Variants in BZW2 observed in about 807,000 individuals in gnomAD.
BZW2 encodes eIF5-mimic protein 1.
BZW2 carries 23 observed loss-of-function variants against 53.2 expected under a neutral mutation model. The ratio of observed to expected loss-of-function variants is 0.43; its 90% CI spans 0.31 to 0.61. The LOEUF (loss-of-function observed/expected upper bound fraction) is 0.61. BZW2 is among the 20% of genes least tolerant of loss of function. The pLI, the probability that BZW2 is intolerant of heterozygous loss-of-function variation, is 0.09. For missense variants in BZW2, 409 were observed against 503.1 expected, an observed-to-expected ratio of 0.81 and a Z score of 1.79; for synonymous variants, 227 against 186.4, an observed-to-expected ratio of 1.22 and a Z score of -1.77.
At chr7:16,673,962 CT>C (rs1782687590) in intron 2 of BZW2, among the ~76,000 whole-genome samples, 1 of 91,662 alleles carries the variant, frequency 1.1e-5, no homozygotes, top group Non-Finnish European at 2.9e-5. Context: ...TGCAATGGCA[CT>C]GTCTCTGCTC....
chr7:16,650,084 T>C (rs1781949642), intron 1 of BZW2, among the ~76,000 whole-genome samples: 1 of 152,230 alleles, frequency 6.6e-6, no homozygotes, highest in Non-Finnish European at 1.5e-5. Context: ...GGAGTTTCGC[T>C]TATGTGATTA....
chr7:16,691,585 C>A (rs189124227), intron 7 of BZW2, among the ~76,000 whole-genome samples: 87 of 152,332 alleles, frequency 5.7e-4, no homozygotes, highest in African/African-American at 2.0e-3. Context: ...TAAAAACTCA[C>A]CTATGGACGC....
chr7:16,699,377 T>C (rs1216446244), intron 10 of BZW2, among the ~76,000 whole-genome samples: 3 of 152,106 alleles, frequency 2.0e-5, no homozygotes, highest in Non-Finnish European at 4.4e-5. Context: ...ATGTTACCAA[T>C]TCATAGATGG....
In BZW2 at chr7:16,694,853, G is replaced by C. The variant is rs1783429376; in HGVS notation, c.671G>C (p.Arg224Thr). The change falls in exon 8 of 12, where the codon AGA (arginine) becomes ACA (threonine). Residue 224 changes from arginine (R) to threonine (T), a missense_variant. Transcript: ENST00000258761. ...KRLLELFPVN[R>T]QSVDHFAKYF... ...TTTCAGGAACTCTTTCCAGTTAACA[G>C]ACAGAGTGTGGATCATTTTGCTAAA... is the stretch of plus-strand genomic sequence containing the variant. The C allele has an allele frequency of 1.3e-6, 2 of 1,529,038 alleles. No individual in the cohort carries two copies. Among genetic ancestry groups the C allele is most frequent in the East Asian group, 4.6e-5 (2 of 43,746 alleles). 94.7% of individuals were successfully genotyped at this position (1,529,038 alleles called of 1,614,324 possible).
Position 16,681,329 on chromosome 7 carries a change from T to G in BZW2, c.264T>G (p.Gly88=), listed in dbSNP as rs144553279. Residue 88 remains glycine, a synonymous_variant, in exon 4 of 12, where the codon GGT becomes GGG. Coordinates refer to ENST00000258761, the MANE Select transcript of BZW2 (RefSeq NM_014038.3). ...LAPGGTRIDD[G]DKTKMTNHCV... is the part of the protein sequence containing the mutation. ...CTGGAGGAACGCGCATAGATGATGG[T>G]GACAAGACCAAGATGACCAACCACT... is the stretch of plus-strand genomic sequence containing the variant. 1 of 1,613,912 alleles carries G rather than the reference T, an allele frequency of 6.2e-7. No homozygotes were observed. The highest frequency in any genetic ancestry group is 1.3e-5 in the African/African-American group (1 of 74,906).
intron 1 of BZW2, among the ~76,000 whole-genome samples, chr7:16,657,344 G>C (rs909726089): frequency 7.2e-5 from 11 of 152,114 alleles, no homozygotes; most frequent in African/African-American, 2.7e-4. Context: ...ATTGCATTTT[G>C]CTGTATCTAC....
intron 8 of BZW2, 95 bp downstream of exon 8, chr7:16,695,099 A>C: frequency 2.5e-6 from 3 of 1,191,716 alleles, no homozygotes; most frequent in Non-Finnish European, 3.4e-6. Context: ...AGTCTGTCCT[A>C]TGCTTATTGC....
At chr7:16,704,483 A>G in intron 10 of BZW2, 64 bp from the exon 11 acceptor site, 1 of 1,427,700 alleles carries the variant, frequency 7.0e-7, no homozygotes, top group South Asian at 1.6e-5. Context: ...ACTGTAATAC[A>G]TGAAGTTGTT....
At chr7:16,706,010 T>C (rs1454286380) in intron 11 of BZW2, 50 bp from the exon 12 acceptor site, 1 of 1,610,310 alleles carries the variant, frequency 6.2e-7, no homozygotes, top group Non-Finnish European at 8.5e-7. Context: ...CTTTTGACCT[T>C]AATTAGAGGA....
At chr7:16,684,096 T>G (rs1783041647) in intron 5 of BZW2, among the ~76,000 whole-genome samples, 1 of 152,218 alleles carries the variant, frequency 6.6e-6, no homozygotes. Context: ...GAAGACTGTT[T>G]AATTAAATTA....
At chr7:16,668,403 G>T (rs17169573) in intron 2 of BZW2, among the ~76,000 whole-genome samples, 30,131 of 152,114 alleles carry the variant, frequency 0.2, 5,915 homozygotes, top group African/African-American at 0.52. Context: ...TATATTATTT[G>T]CCAGTTGATC....
intron 2 of BZW2, among the ~76,000 whole-genome samples, chr7:16,671,606 T>C (rs1003763315): frequency 1.3e-5 from 2 of 152,168 alleles, no homozygotes; most frequent in East Asian, 3.9e-4. Flanking sequence ...TTTCAGTATA[T>C]GTATGTTCGT....
chr7:16,686,129 G>A (rs1485692675), intron 6 of BZW2, 89 bp downstream of exon 6: 2 of 1,532,520 alleles, frequency 1.3e-6, no homozygotes, highest in South Asian at 1.2e-5. Context: ...GCTCTTTTTG[G>A]TGTCCTCTAT....
At chr7:16,694,758 A>T in intron 7 of BZW2, 76 bp from the exon 8 acceptor site, 1 of 1,198,530 alleles carries the variant, frequency 8.3e-7, no homozygotes, top group South Asian at 2.5e-5. Flanking sequence ...TTCTAAGTGA[A>T]ATGAAGACTT....
chr7:16,665,223 T>G (rs1782386021), intron 1 of BZW2, among the ~76,000 whole-genome samples: 1 of 151,918 alleles, frequency 6.6e-6, no homozygotes, highest in African/African-American at 2.4e-5. Context: ...GGATAATCAC[T>G]TGAACCCGGG....
intron 3 of BZW2, among the ~76,000 whole-genome samples, chr7:16,679,195 T>G (rs1185246088): frequency 6.6e-6 from 1 of 152,178 alleles, no homozygotes; most frequent in Non-Finnish European, 1.5e-5. Flanking sequence ...ACTGCGTAAG[T>G]ATTGATTGGG....
intron 1 of BZW2, among the ~76,000 whole-genome samples, chr7:16,652,887 C>A (rs1031220693): frequency 6.6e-6 from 1 of 152,146 alleles, no homozygotes; most frequent in Non-Finnish European, 1.5e-5. Context: ...TTTTTTATTT[C>A]CTTTAATTCA....
intron 1 of BZW2, 117 bp from the exon 2 acceptor site, chr7:16,665,320 G>T: frequency 6.3e-6 from 7 of 1,117,030 alleles, no homozygotes; most frequent in Non-Finnish European, 7.8e-6. Context: ...AAAAAAAAAA[G>T]AGGCATATTC....
At chr7:16,650,837 G>A (rs1041174334) in intron 1 of BZW2, among the ~76,000 whole-genome samples, 3 of 152,148 alleles carry the variant, frequency 2.0e-5, no homozygotes, top group East Asian at 1.9e-4. Flanking sequence ...TAAATTTGGC[G>A]TGTATTAAGT....
Sources: gnomAD v4.1 joint callset for allele counts (sites outside exome capture counted in the v4.1 genomes callset) on GRCh38, gnomAD v4.1.1 for gene constraint, MANE v1.5 for transcripts, NCBI Gene and HGNC (gene_info 2026-07-23, HGNC 2026-07-21) for gene names.